Variants in EEPD1 observed in about 807,000 individuals in gnomAD.
EEPD1 encodes the protein endonuclease/exonuclease/phosphatase family domain containing 1, also known as endonuclease/exonuclease/phosphatase family domain-containing protein 1.
Under a neutral mutation model 46.3 loss-of-function variants are expected in EEPD1, and 17 were observed. The ratio of observed to expected loss-of-function variants is 0.37; its 90% CI spans 0.25 to 0.55. The LOEUF (loss-of-function observed/expected upper bound fraction) is 0.55. Ranked by LOEUF, EEPD1 falls within the 20% of genes least tolerant of loss-of-function variation. EEPD1 has a pLI of 0.83. For missense variants in EEPD1, 673 were observed against 745.6 expected, an observed-to-expected ratio of 0.90 and a Z score of 1.13; for synonymous variants, 313 against 315.6, an observed-to-expected ratio of 0.99 and a Z score of 0.09.
At chr7:36,231,233 C>T (rs1335702127) in intron 2 of EEPD1, 1 of 152,410 alleles carries the variant, frequency 6.6e-6, no homozygotes, top group African/African-American at 2.4e-5. Flanking sequence ...CTGCCTGGCA[C>T]TTTCCCCATC....
At chr7:36,175,890 G>T (rs976898493) in intron 2 of EEPD1, among the ~76,000 whole-genome samples, 6 of 152,240 alleles carry the variant, frequency 3.9e-5, no homozygotes, top group Non-Finnish European at 8.8e-5. Context: ...TGGCTGAACG[G>T]GGAGGAGGTG....
At chr7:36,222,725 G>A (rs1031833821) in intron 2 of EEPD1, among the ~76,000 whole-genome samples, 1 of 152,174 alleles carries the variant, frequency 6.6e-6, no homozygotes, top group Non-Finnish European at 1.5e-5. Flanking sequence ...CTAGTTCATA[G>A]ATGGCATCTT....
chr7:36,291,764 A>G (rs1787444907), intron 6 of EEPD1, among the ~76,000 whole-genome samples: 2 of 152,212 alleles, frequency 1.3e-5, no homozygotes, highest in South Asian at 4.1e-4. Flanking sequence ...TCGTGGATAC[A>G]TTTATGACTT....
chr7:36,233,995 G>C (rs778327353), intron 2 of EEPD1, among the ~76,000 whole-genome samples: 88 of 152,160 alleles, frequency 5.8e-4, no homozygotes, highest in Non-Finnish European at 1.0e-3. Flanking sequence ...TCAGCTCACT[G>C]CAACCTCTGC....
In EEPD1 at chr7:36,299,298, T is replaced by C. The variant is rs1250482526; in HGVS notation, c.*92T>C. On this transcript the variant is annotated 3_prime_UTR_variant, in exon 8 of 8. Coordinates refer to ENST00000242108, the MANE Select transcript of EEPD1 (RefSeq NM_030636.3). ...GTGACGCTTCAGGGCAGAGCTGCCT[T>C]TTAATTTTTATTCTCAGAGCATCAG... is the stretch of plus-strand genomic sequence containing the variant. 4 of 1,400,028 alleles carry C rather than the reference T, an allele frequency of 2.9e-6. No homozygotes were observed. Among genetic ancestry groups the C allele is most frequent in the East Asian group, 2.5e-5 (1 of 40,240 alleles). The allele number at this position is 1,400,028 out of a possible 1,614,324, so 86.7% of individuals were successfully genotyped here. A position where few individuals can be genotyped will look rare whatever the true frequency, so the allele number is the denominator to read the frequency against.
intron 2 of EEPD1, among the ~76,000 whole-genome samples, chr7:36,161,801 C>G (rs1459216611): frequency 2.6e-5 from 4 of 151,426 alleles, no homozygotes; most frequent in African/African-American, 9.7e-5. Flanking sequence ...CCTGTAGTCC[C>G]AGCTACTCAG....
chr7:36,258,464 G>A (rs1786861194), intron 3 of EEPD1, among the ~76,000 whole-genome samples: 1 of 152,184 alleles, frequency 6.6e-6, no homozygotes. Flanking sequence ...CCAGGGAGAT[G>A]GGAGTTTTAT....
At chr7:36,182,305 A>G (rs1785282872) in intron 2 of EEPD1, among the ~76,000 whole-genome samples, 1 of 152,232 alleles carries the variant, frequency 6.6e-6, no homozygotes, top group African/African-American at 2.4e-5. Flanking sequence ...AAGTAAGAAT[A>G]TATATTTGTG....
chr7:36,196,012 T>A (rs887532617), intron 2 of EEPD1, among the ~76,000 whole-genome samples: 3 of 152,198 alleles, frequency 2.0e-5, no homozygotes, highest in African/African-American at 7.2e-5. Flanking sequence ...GTATGGCCTA[T>A]TGCTCCTAAG....
At chr7:36,180,688 C>T (rs1785257805) in intron 2 of EEPD1, among the ~76,000 whole-genome samples, 1 of 152,286 alleles carries the variant, frequency 6.6e-6, no homozygotes, top group African/African-American at 2.4e-5. Context: ...AATGCCAGCT[C>T]ATCCTCAGAT....
chr7:36,225,256 T>C lies in EEPD1; in HGVS notation c.879-13729T>C, dbSNP rs181627538. Among the ~76,000 whole-genome samples the C allele has an allele frequency of 3.6e-4, 55 of 152,266 alleles. 1 individual carries two copies. The highest frequency in any genetic ancestry group is 1.3e-3 in the African/African-American group (55 of 41,550). ...GCCATGGAAAATCAAATCAGTGATA[T>C]GAGTCAGGGTGAAACAAGTCGAGAA... On this transcript the variant is annotated intron_variant, in intron 2 of 7. Transcript: ENST00000242108. The surrounding 1 kb of genome is among the most constrained non-coding windows in gnomAD (Gnocchi z 4.2).
intron 3 of EEPD1, among the ~76,000 whole-genome samples, chr7:36,260,381 A>T (rs571579796): frequency 6.6e-6 from 1 of 152,212 alleles, no homozygotes; most frequent in Non-Finnish European, 1.5e-5. Context: ...ACTGTCTCTG[A>T]TCTCTTTTGT....
intron 2 of EEPD1, among the ~76,000 whole-genome samples, chr7:36,205,285 A>G (rs1427150612): frequency 2.0e-5 from 3 of 152,298 alleles, no homozygotes; most frequent in South Asian, 4.1e-4. Context: ...CTTCTGTATT[A>G]TTGGGTTTTT....
At chr7:36,170,163 G>T (rs1785052441) in intron 2 of EEPD1, among the ~76,000 whole-genome samples, 1 of 152,156 alleles carries the variant, frequency 6.6e-6, no homozygotes, top group Non-Finnish European at 1.5e-5. Context: ...CCAGCACTTT[G>T]CGAGGCCGAG....
chr7:36,267,154 T>C (rs1787032295), intron 3 of EEPD1, among the ~76,000 whole-genome samples: 1 of 152,238 alleles, frequency 6.6e-6, no homozygotes, highest in African/African-American at 2.4e-5. Flanking sequence ...TCACCTCTGT[T>C]ACTGCAGTAC....
intron 2 of EEPD1, among the ~76,000 whole-genome samples, chr7:36,229,688 C>G (rs952891268): frequency 1.4e-5 from 2 of 143,838 alleles, no homozygotes; most frequent in African/African-American, 5.1e-5. Flanking sequence ...TCTGTAAATT[C>G]TGAACAACTG....
chr7:36,203,661 G>C (rs1035275709), intron 2 of EEPD1, among the ~76,000 whole-genome samples: 1 of 152,228 alleles, frequency 6.6e-6, no homozygotes, highest in African/African-American at 2.4e-5. Context: ...GTCTGCAGGA[G>C]CTAAAAGAAA....
intron 2 of EEPD1, among the ~76,000 whole-genome samples, chr7:36,197,135 G>C (rs1785614782): frequency 2.1e-5 from 3 of 144,644 alleles, no homozygotes; most frequent in Admixed American, 6.8e-5. Flanking sequence ...CCTCCGCCTG[G>C]CAACCGCCCC....
chr7:36,245,484 AG>A (rs1386570508), intron 3 of EEPD1, among the ~76,000 whole-genome samples: 1 of 152,084 alleles, frequency 6.6e-6, no homozygotes, highest in Non-Finnish European at 1.5e-5. Flanking sequence ...GTAGGGTTCT[AG>A]TTTTTGCCTC....
Sources: gnomAD v4.1 joint callset for allele counts (sites outside exome capture counted in the v4.1 genomes callset) on GRCh38, gnomAD v4.1.1 for gene constraint, Gnocchi (gnomAD v3.1) non-coding constraint, MANE v1.5 for transcripts, NCBI Gene and HGNC (gene_info 2026-07-23, HGNC 2026-07-21) for gene names.